The following GALNT13 variants were observed in gnomAD, a reference collection of about 807,000 sequenced individuals.
The protein encoded by GALNT13 is UDP-GalNAc:polypeptide N-acetylgalactosaminyltransferase 13.
GALNT13 carries 28 observed loss-of-function variants against 64.2 expected under a neutral mutation model. The observed-to-expected ratio is 0.44, with a 90% confidence interval of 0.32 to 0.60. The LOEUF is 0.60. Ranked by LOEUF, GALNT13 falls within the 20% of genes least tolerant of loss-of-function variation. The pLI, the probability that GALNT13 is intolerant of heterozygous loss-of-function variation, is 0.05. For synonymous variants in GALNT13, 214 were observed against 224.6 expected (o/e 0.95, Z 0.42); for missense variants, 577 against 669.8 (o/e 0.86, Z 1.53).
chr2:153,596,583 G>A, the GALNT13 span, among the ~76,000 whole-genome samples: 1 of 151,938 alleles, frequency 6.6e-6, no homozygotes, highest in Non-Finnish European at 1.5e-5. Flanking sequence ...TATAAACATG[G>A]CAATAGTTTC....
intron 3 of GALNT13, among the ~76,000 whole-genome samples, chr2:154,043,504 CTATT>C (rs1359086598): frequency 1.4e-5 from 2 of 144,526 alleles, no homozygotes; most frequent in Non-Finnish European, 3.0e-5. Flanking sequence ...AATAAGGTCT[CTATT>C]TAAAAATCTA....
At chr2:154,166,376 G>A (rs1352984875) in intron 4 of GALNT13, among the ~76,000 whole-genome samples, 1 of 152,246 alleles carries the variant, frequency 6.6e-6, no homozygotes, top group African/African-American at 2.4e-5. Context: ...CTGCACTTCA[G>A]CCTGGGCAAT....
chr2:153,488,113 G>GT, the GALNT13 span, among the ~76,000 whole-genome samples: 406 of 152,296 alleles, frequency 2.7e-3, 3 homozygotes, highest in African/African-American at 8.8e-3. Context: ...AACTCATTTT[G>GT]TAATTCACTG....
intron 3 of GALNT13, among the ~76,000 whole-genome samples, chr2:153,960,113 TA>T (rs1692842061): frequency 6.6e-6 from 1 of 152,192 alleles, no homozygotes; most frequent in South Asian, 2.1e-4. Flanking sequence ...AGAGCTTTGG[TA>T]GTGACAGACC....
At chr2:153,507,969 C>T in the GALNT13 span, among the ~76,000 whole-genome samples, 2 of 152,138 alleles carry the variant, frequency 1.3e-5, no homozygotes, top group Non-Finnish European at 2.9e-5. Context: ...GAAGAAGCTA[C>T]TGGGCTCTGG....
intron 9 of GALNT13, among the ~76,000 whole-genome samples, chr2:154,385,926 C>A (rs1698493179): frequency 6.6e-6 from 1 of 151,914 alleles, no homozygotes; most frequent in Non-Finnish European, 1.5e-5. Context: ...GCTTCTGAGT[C>A]CACAAAAGAA....
chr2:153,203,782 T>C, the GALNT13 span, among the ~76,000 whole-genome samples: 1 of 152,124 alleles, frequency 6.6e-6, no homozygotes, highest in South Asian at 2.1e-4. Context: ...CTTACAGATA[T>C]ATTACTCTTA....
At chr2:153,871,883 C>CGGGCTGGGGTGGGAGGGGGGCGG (rs2105208185), upstream of GALNT13, 1 of 16,236 alleles carries the variant, frequency 6.2e-5, no homozygotes, top group Admixed American at 8.4e-4. Flanking sequence ...CGGGAGGCGG[C>CGGGCTGGGGTGGGAGGGGGGCGG]GGGCTGGGGT....
the GALNT13 span, among the ~76,000 whole-genome samples, chr2:153,476,342 T>C: frequency 6.6e-6 from 1 of 152,248 alleles, no homozygotes; most frequent in Non-Finnish European, 1.5e-5. Flanking sequence ...TAGTTACTCT[T>C]ATAGCTGCCA....
chr2:153,282,049 G>T, the GALNT13 span, among the ~76,000 whole-genome samples: 1 of 151,472 alleles, frequency 6.6e-6, no homozygotes, highest in Admixed American at 6.6e-5. Context: ...GTGATTCCTA[G>T]GTTCAGTCAC....
Position 153,998,088 on chromosome 2 carries a change from G to C in GALNT13, c.142+53449G>C, listed in dbSNP as rs543237476. 2.4e-3 allele frequency among the ~76,000 whole-genome samples: 367 copies of C among 152,182 alleles called. 7 individuals carry two copies. In the East Asian group the frequency reaches 0.055, roughly 23 times the overall value. On this transcript the variant is annotated intron_variant, in intron 3 of 12. Coordinates refer to ENST00000392825, the MANE Select transcript of GALNT13 (RefSeq NM_052917.4). ...TTCTAAGTCTTTGCTATTGTGAACAGTGTCTCAATAAACATATGTGTGCAT... is the reference window on the plus strand; with the variant it reads ...TTCTAAGTCTTTGCTATTGTGAACACTGTCTCAATAAACATATGTGTGCAT...
chr2:153,616,596 A>C, the GALNT13 span, among the ~76,000 whole-genome samples: 2 of 151,272 alleles, frequency 1.3e-5, no homozygotes, highest in Non-Finnish European at 3.0e-5. Flanking sequence ...TTTTCTCTTC[A>C]GTTTCTTTCA....
chr2:153,328,443 G>T, the GALNT13 span, among the ~76,000 whole-genome samples: 1 of 152,174 alleles, frequency 6.6e-6, no homozygotes, highest in Non-Finnish European at 1.5e-5. Context: ...AGGGAGATGG[G>T]AGTTTTATCT....
chr2:154,285,218 T>A (rs775939654), intron 8 of GALNT13, among the ~76,000 whole-genome samples: 20 of 152,214 alleles, frequency 1.3e-4, no homozygotes, highest in Non-Finnish European at 2.5e-4. Context: ...GCTTTTTAGT[T>A]TGACACAATT....
At chr2:153,733,150 G>A in the GALNT13 span, among the ~76,000 whole-genome samples, 1 of 152,044 alleles carries the variant, frequency 6.6e-6, no homozygotes, top group African/African-American at 2.4e-5. Context: ...TGTAATGCAA[G>A]GAAAAATAAA....
intron 9 of GALNT13, among the ~76,000 whole-genome samples, chr2:154,392,387 TAGG>T (rs1698836687): frequency 6.6e-6 from 1 of 152,154 alleles, no homozygotes; most frequent in Non-Finnish European, 1.5e-5. Flanking sequence ...AACAGGTGGT[TAGG>T]CAATCATGAC....
chr2:153,197,845 T>G, the GALNT13 span, among the ~76,000 whole-genome samples: 1 of 152,016 alleles, frequency 6.6e-6, no homozygotes, highest in Non-Finnish European at 1.5e-5. Context: ...CTTGCAAGTG[T>G]GCGGCAGCCT....
intron 9 of GALNT13, among the ~76,000 whole-genome samples, chr2:154,318,466 C>T (rs1289576031): frequency 6.6e-6 from 1 of 152,114 alleles, no homozygotes; most frequent in African/African-American, 2.4e-5. Context: ...TGGTTCACGC[C>T]TGTAATCCCA....
chr2:153,377,766 A>G, the GALNT13 span, among the ~76,000 whole-genome samples: 13 of 152,300 alleles, frequency 8.5e-5, no homozygotes, highest in South Asian at 2.5e-3. Context: ...ATGGACTAAG[A>G]CACAGCCCTA....
Sources: allele counts gnomAD v4.1 joint callset (sites outside exome capture counted in the v4.1 genomes callset), GRCh38; gene constraint gnomAD v4.1.1; transcripts MANE v1.5; gene names NCBI Gene and HGNC (gene_info 2026-07-23, HGNC 2026-07-21).